MTCL2: variants seen among roughly 807,000 people sequenced by gnomAD.
MTCL2 encodes microtubule cross-linking factor 2.
chr20:36,826,605 T>C, the MTCL2 span, among the ~76,000 whole-genome samples: 5 of 151,768 alleles, frequency 3.3e-5, no homozygotes, highest in African/African-American at 7.3e-5. Flanking sequence ...CTTGAACTCC[T>C]AGCCCCAACC....
the MTCL2 span, chr20:36,808,839 TG>T: frequency 2.6e-6 from 3 of 1,144,920 alleles, no homozygotes; most frequent in Admixed American, 7.8e-5. Context: ...AAAGTCTGGG[TG>T]GTGCCTGTGA....
At chr20:36,784,121 G>T in the MTCL2 span, 2 of 985,612 alleles carry the variant, frequency 2.0e-6, no homozygotes, top group Non-Finnish European at 2.4e-6. Context: ...GGCTGAGTAC[G>T]CAGCCTCCCT....
At chr20:36,819,784 A>G in the MTCL2 span, among the ~76,000 whole-genome samples, 1 of 152,174 alleles carries the variant, frequency 6.6e-6, no homozygotes, top group East Asian at 1.9e-4. Flanking sequence ...ATCAAATCCT[A>G]AAGAGACCTT....
the MTCL2 span, among the ~76,000 whole-genome samples, chr20:36,811,297 C>A: frequency 6.6e-6 from 1 of 152,124 alleles, no homozygotes; most frequent in Non-Finnish European, 1.5e-5. Context: ...TGAATGTGTG[C>A]AGGAAATCAT....
chr20:36,780,617 T>A, the MTCL2 span: 1 of 152,168 alleles, frequency 6.6e-6, no homozygotes, highest in African/African-American at 2.4e-5. Flanking sequence ...CAGATCACTT[T>A]CCATTTGTGT....
chr20:36,856,653 G>C, the MTCL2 span, among the ~76,000 whole-genome samples: 1 of 152,072 alleles, frequency 6.6e-6, no homozygotes, highest in Non-Finnish European at 1.5e-5. Flanking sequence ...CACCACCCAG[G>C]ACCCCAAGAC....
the MTCL2 span, among the ~76,000 whole-genome samples, chr20:36,851,349 C>T: frequency 9.2e-5 from 14 of 152,320 alleles, 1 homozygote; most frequent in African/African-American, 3.4e-4. Flanking sequence ...AGTGACTTTT[C>T]ATCACATACA....
At chr20:36,813,341 G>T in the MTCL2 span, among the ~76,000 whole-genome samples, 153 of 18,242 alleles carry the variant, frequency 8.4e-3, 4 homozygotes, top group African/African-American at 0.031. Flanking sequence ...AAAAAAAAAG[G>T]CAATGTGCTT....
the MTCL2 span, among the ~76,000 whole-genome samples, chr20:36,856,892 C>T: frequency 6.6e-6 from 1 of 152,078 alleles, no homozygotes; most frequent in Admixed American, 6.5e-5. Context: ...GTCTAGGTTC[C>T]CTGGTTTGAG....
the MTCL2 span, chr20:36,786,125 G>C: frequency 1.0e-6 from 1 of 996,472 alleles, no homozygotes; most frequent in African/African-American, 1.7e-5. Context: ...GGCCAGACAT[G>C]TATCCTTCTT....
At chr20:36,827,357 C>CTTTT in the MTCL2 span, among the ~76,000 whole-genome samples, 3 of 116,342 alleles carry the variant, frequency 2.6e-5, no homozygotes, top group Admixed American at 9.8e-5. Flanking sequence ...CTGGACCCCC[C>CTTTT]TTTTTTTTTT....
chr20:36,804,674 C>A, the MTCL2 span: 63 of 1,587,632 alleles, frequency 4.0e-5, 1 homozygote, highest in Admixed American at 7.6e-4. Flanking sequence ...ACTCCCAGAT[C>A]TGACAGCTAA....
the MTCL2 span, among the ~76,000 whole-genome samples, chr20:36,861,228 C>G: frequency 6.6e-6 from 1 of 152,326 alleles, no homozygotes; most frequent in Middle Eastern, 3.4e-3. Context: ...CCTCCCTCCT[C>G]CTCCTCACCT....
At chr20:36,815,285 C>T in the MTCL2 span, 1 of 1,613,986 alleles carries the variant, frequency 6.2e-7, no homozygotes, top group Non-Finnish European at 8.5e-7. The surrounding 1 kb of genome is among the most constrained non-coding windows in gnomAD (Gnocchi z 5.3). Context: ...CCTGCTGCAG[C>T]ACGCTCAGGC....
chr20:36,802,844 G>T, the MTCL2 span: 1 of 1,575,362 alleles, frequency 6.3e-7, no homozygotes, highest in African/African-American at 1.3e-5. Context: ...GCTTGGCAGG[G>T]GTGGGCCTCA....
chr20:36,855,138 C>T, the MTCL2 span, among the ~76,000 whole-genome samples: 1 of 152,212 alleles, frequency 6.6e-6, no homozygotes, highest in East Asian at 1.9e-4. Flanking sequence ...CAAGTGCTGT[C>T]GGGTCCTTCC....
chr20:36,810,717 C>CCTCTCCCTCTCTCTCTCTCTCTCT, the MTCL2 span, among the ~76,000 whole-genome samples: 1 of 94,270 alleles, frequency 1.1e-5, no homozygotes, highest in East Asian at 3.1e-4. Flanking sequence ...TCTCTCTCTC[C>CCTCTCCCTCTCTCTCTCTCTCTCT]CTCTCTCTCT....
chr20:36,837,434 C>G, the MTCL2 span, among the ~76,000 whole-genome samples: 2 of 152,072 alleles, frequency 1.3e-5, no homozygotes, highest in African/African-American at 2.4e-5. Flanking sequence ...ACACACTGAG[C>G]GCCCCTTGAC....
the MTCL2 span, among the ~76,000 whole-genome samples, chr20:36,849,460 G>T: frequency 6.6e-5 from 10 of 152,018 alleles, no homozygotes; most frequent in African/African-American, 2.2e-4. Flanking sequence ...TTTAAGACAG[G>T]GTCCCTCTGT....
Sources: gnomAD v4.1 joint callset for allele counts (sites outside exome capture counted in the v4.1 genomes callset) on GRCh38, gnomAD v4.1.1 for gene constraint, Gnocchi (gnomAD v3.1) non-coding constraint, MANE v1.5 for transcripts, NCBI Gene and HGNC (gene_info 2026-07-23, HGNC 2026-07-21) for gene names.